The following CEP83 variants were observed in gnomAD, a reference collection of about 807,000 sequenced individuals.
CEP83 encodes centrosomal protein of 83 kDa.
A neutral mutation model predicts 101.9 loss-of-function variants in CEP83; 70 were observed. The ratio of observed to expected loss-of-function variants is 0.69; its 90% CI spans 0.57 to 0.84. The LOEUF is 0.84. Among genes scored for constraint, CEP83 ranks in the 40% least tolerant of loss-of-function variants. The pLI, the probability that CEP83 is intolerant of heterozygous loss-of-function variation, is 0.00. For missense variants in CEP83, 715 were observed against 787.2 expected, an observed-to-expected ratio of 0.91 and a Z score of 1.10; for synonymous variants, 264 against 267.9, an observed-to-expected ratio of 0.99 and a Z score of 0.14.
At chr12:94,283,325 G>A in the CEP83 span, among the ~76,000 whole-genome samples, 8 of 152,172 alleles carry the variant, frequency 5.3e-5, no homozygotes, top group African/African-American at 1.4e-4. Flanking sequence ...GGAAGGGAGA[G>A]CATGCGTGTT....
chr12:94,338,593 T>C (rs575931713), intron 11 of CEP83, among the ~76,000 whole-genome samples: 2 of 151,978 alleles, frequency 1.3e-5, no homozygotes, highest in African/African-American at 2.4e-5. Flanking sequence ...AATGTTGAGA[T>C]TGCAAAAAAA....
intron 1 of CEP83, among the ~76,000 whole-genome samples, chr12:94,444,092 T>C (rs891988742): frequency 6.6e-6 from 1 of 152,126 alleles, no homozygotes; most frequent in Non-Finnish European, 1.5e-5. Flanking sequence ...GCGTTATAGT[T>C]AGTTATCAAG....
At chr12:94,434,308 T>A (rs973154193) in intron 2 of CEP83, among the ~76,000 whole-genome samples, 1 of 152,132 alleles carries the variant, frequency 6.6e-6, no homozygotes, top group African/African-American at 2.4e-5. Context: ...AACAAAAAAA[T>A]GTTTATACAC....
downstream of CEP83, chr12:94,305,110 C>G (rs1165466301): frequency 2.3e-6 from 2 of 859,562 alleles, no homozygotes; most frequent in African/African-American, 3.4e-5. Flanking sequence ...CTCACAGCAT[C>G]AGGTATGCAA....
intron 4 of CEP83, 38 bp downstream of exon 4, chr12:94,411,659 C>A (rs1347203080): frequency 6.5e-7 from 1 of 1,531,012 alleles, no homozygotes; most frequent in Non-Finnish European, 8.9e-7. Context: ...TATCTGACTG[C>A]TTTTATACTA....
intron 1 of CEP83, among the ~76,000 whole-genome samples, chr12:94,448,650 T>C (rs2066984974): frequency 6.6e-6 from 1 of 152,166 alleles, no homozygotes; most frequent in South Asian, 2.1e-4. Context: ...CAATTATTGG[T>C]AAATTTTAAA....
chr12:94,305,152 T>A, downstream of CEP83: 1 of 1,443,812 alleles, frequency 6.9e-7, no homozygotes, highest in Non-Finnish European at 9.7e-7. Context: ...AACCACAATA[T>A]CTAAAATAAC....
chr12:94,281,409 G>A, the CEP83 span, among the ~76,000 whole-genome samples: 38 of 152,302 alleles, frequency 2.5e-4, no homozygotes, highest in East Asian at 5.8e-4. Context: ...GGTGTCAGCC[G>A]CCTGGGACTA....
At chr12:94,378,665 T>C (rs2061675752) in intron 7 of CEP83, 126 bp downstream of exon 7, 1 of 999,584 alleles carries the variant, frequency 1.0e-6, no homozygotes, top group Non-Finnish European at 1.5e-6. Context: ...TAAATACTCT[T>C]GGGATTACAC....
chr12:94,436,220 C>T (rs2065974178), intron 1 of CEP83, among the ~76,000 whole-genome samples: 1 of 151,578 alleles, frequency 6.6e-6, no homozygotes, highest in Admixed American at 6.6e-5. Context: ...GCAATGGATC[C>T]AAAACAAGAA....
intron 6 of CEP83, among the ~76,000 whole-genome samples, chr12:94,383,901 TTATAA>T (rs1353481414): frequency 6.6e-6 from 1 of 152,100 alleles, no homozygotes; most frequent in Admixed American, 6.6e-5. Flanking sequence ...CCTTGCTCAT[TTATAA>T]TATAATTACC....
intron 14 of CEP83, among the ~76,000 whole-genome samples, chr12:94,324,718 T>C (rs771283739): frequency 6.6e-5 from 10 of 152,250 alleles, no homozygotes; most frequent in Non-Finnish European, 1.3e-4. Flanking sequence ...AGTTAATTAT[T>C]GTTATTGTAT....
the CEP83 span, chr12:94,282,539 C>G: frequency 3.2e-6 from 2 of 625,016 alleles, no homozygotes; most frequent in South Asian, 2.0e-5. Flanking sequence ...CTGAAGTTTT[C>G]TTTCGTTGCT....
chr12:94,383,263 T>C (rs546127295), intron 6 of CEP83, among the ~76,000 whole-genome samples: 9 of 152,256 alleles, frequency 5.9e-5, no homozygotes, highest in African/African-American at 2.2e-4. Context: ...TATACTGTTA[T>C]ACTTGGAGTT....
chr12:94,360,818 G>A (rs1267690579), intron 11 of CEP83, among the ~76,000 whole-genome samples: 2 of 152,044 alleles, frequency 1.3e-5, no homozygotes, highest in African/African-American at 4.8e-5. Flanking sequence ...AAAGAACAAA[G>A]TTGGAGCTAT....
chr12:94,285,563 T>G, the CEP83 span, among the ~76,000 whole-genome samples: 373 of 152,308 alleles, frequency 2.4e-3, 1 homozygote, highest in African/African-American at 8.7e-3. Context: ...TCTTAGCTTT[T>G]GGAGTTTGTA....
At chr12:94,421,594 T>A (rs1033578469) in intron 2 of CEP83, among the ~76,000 whole-genome samples, 1 of 152,214 alleles carries the variant, frequency 6.6e-6, no homozygotes, top group African/African-American at 2.4e-5. Context: ...TAAGTAAAAT[T>A]TACACATAAT....
intron 1 of CEP83, among the ~76,000 whole-genome samples, chr12:94,457,308 G>A (rs567362226): frequency 1.3e-5 from 2 of 152,172 alleles, no homozygotes; most frequent in Non-Finnish European, 2.9e-5. Context: ...TTCCCTAAAA[G>A]CACATAGGTT....
intron 11 of CEP83, among the ~76,000 whole-genome samples, chr12:94,343,124 T>C (rs1303988656): frequency 6.6e-6 from 1 of 151,412 alleles, no homozygotes; most frequent in Non-Finnish European, 1.5e-5. Flanking sequence ...GAACTTCATA[T>C]ATATATATAT....
Sources: gnomAD v4.1 joint callset for allele counts (sites outside exome capture counted in the v4.1 genomes callset) on GRCh38, gnomAD v4.1.1 for gene constraint, MANE v1.5 for transcripts, NCBI Gene and HGNC (gene_info 2026-07-23, HGNC 2026-07-21) for gene names.